The following COL9A2 variants were observed in gnomAD, a reference collection of about 807,000 sequenced individuals.
COL9A2 encodes the protein collagen alpha-2(IX) chain.
Under a neutral mutation model 111.6 loss-of-function variants are expected in COL9A2, and 66 were observed. The ratio of observed to expected loss-of-function variants is 0.59; its 90% CI spans 0.48 to 0.73. COL9A2 has a LOEUF of 0.73. Among genes scored for constraint, COL9A2 ranks in the 30% least tolerant of loss-of-function variants. The pLI is 0.00. For missense variants in COL9A2, 881 were observed against 954.1 expected, an observed-to-expected ratio of 0.92 and a Z score of 1.01; for synonymous variants, 353 against 364.1, an observed-to-expected ratio of 0.97 and a Z score of 0.35.
chr1:40,310,073 C>A lies in COL9A2; in HGVS notation c.792+38G>T, dbSNP rs1184178214. On this transcript the variant is annotated intron_variant, in intron 15 of 31. Transcript: ENST00000372748. This position sits in a 1 kb window ranked among gnomAD's most constrained non-coding sequence, Gnocchi z 4.9. ...CACTCTGTGGCTGTAGCTGTAGGAG[C>A]TCCAGCCTCAGGGGTAGGGGAGCAA... is the stretch of plus-strand genomic sequence containing the variant. 3.1e-6 allele frequency: 5 copies of A among 1,613,928 alleles called. No individual in the cohort carries two copies. The highest frequency in any genetic ancestry group is 4.2e-6 in the Non-Finnish European group (5 of 1,179,814).
Position 40,312,443 on chromosome 1 carries a change from C to T in COL9A2, c.363+13G>A, listed in dbSNP as rs750948814. On this transcript the variant is annotated intron_variant, in intron 7 of 31. Transcript: ENST00000372748. This position sits in a 1 kb window ranked among gnomAD's most constrained non-coding sequence, Gnocchi z 6.0. ...GGAGTTCTGGGGATCCTGCCCCATC[C>T]CTGAGGACTTACAGGAGGTCCAGCA... 6.8e-6 allele frequency: 11 copies of T among 1,613,240 alleles called. No homozygotes were observed. In the Admixed American group the frequency reaches 1.7e-4, roughly 24 times the overall value.
In COL9A2 at chr1:40,314,257, C is replaced by T; in HGVS notation, c.197G>A (p.Gly66Asp). Residue 66 changes from glycine to aspartate, a missense_variant, in exon 4 of 32, where the codon GGC (glycine) becomes GAC (aspartate). Gly to Asp is a moderately conservative substitution (Grantham distance 94, BLOSUM62 -1). Transcript: ENST00000372748. This position sits in a 1 kb window ranked among gnomAD's most constrained non-coding sequence, Gnocchi z 4.1. ...ATCTGGCCCAGCTTTGCCAGGCTCG[C>T]CCTTGGGTCCCTTGAAAACAGAGAT... ...PGKAGPPGPK[G>D]EPGKAGPDGP... The T allele has an allele frequency of 6.2e-7, 1 of 1,614,232 alleles. No individual in the cohort carries two copies. Among genetic ancestry groups the T allele is most frequent in the Non-Finnish European group, 8.5e-7 (1 of 1,180,048 alleles).
intron 4 of COL9A2, among the ~76,000 whole-genome samples, chr1:40,313,565 C>T (rs148125228): frequency 7.9e-5 from 12 of 152,328 alleles, no homozygotes; most frequent in South Asian, 2.1e-4. Context: ...GCCTTGTAAT[C>T]GTTGCAGGGT....
chr1:40,301,395 A>C lies in COL9A2; in HGVS notation c.1871-14T>G, dbSNP rs2124032572. On this transcript the variant is annotated splice_polypyrimidine_tract_variant and intron_variant, in intron 31 of 31. Transcript: ENST00000372748. Reference sequence around the variant, plus strand: ...GGCCAGGGAGTCCTGTGAACAGGAGAAAGTCAAGACATTAGGGGCACCTCT... The same window carrying C: ...GGCCAGGGAGTCCTGTGAACAGGAGCAAGTCAAGACATTAGGGGCACCTCT... The C allele has an allele frequency of 2.5e-6, 4 of 1,602,698 alleles. No homozygotes were observed. Among genetic ancestry groups the C allele is most frequent in the Non-Finnish European group, 3.4e-6 (4 of 1,174,514 alleles).
In COL9A2 at chr1:40,316,283, C is replaced by G. The variant is rs540638378; in HGVS notation, c.76-619G>C. ...GCGCCCCTTCGGCAGCACAGCTGCCCGGTCCTCCCTCTGCTAAGCCCTGAC... is the reference window on the plus strand; with the variant it reads ...GCGCCCCTTCGGCAGCACAGCTGCCGGGTCCTCCCTCTGCTAAGCCCTGAC... On this transcript the variant is annotated intron_variant, in intron 1 of 31. Coordinates refer to ENST00000372748, the MANE Select transcript of COL9A2 (RefSeq NM_001852.4). The surrounding 1 kb of genome is among the most constrained non-coding windows in gnomAD (Gnocchi z 5.5). Among the ~76,000 whole-genome samples, 1 of 152,180 alleles carries G rather than the reference C, an allele frequency of 6.6e-6. No individual in the cohort carries two copies. The highest frequency in any genetic ancestry group is 1.5e-5 in the Non-Finnish European group (1 of 68,022).
chr1:40,302,024 G>C lies in COL9A2; in HGVS notation c.1793-135C>G. ...ATAGAGGAAAGTTGGAAATGGTCACGCAGGGCTTGTTAAATAAAGGAAGGT... is the reference window on the plus strand; with the variant it reads ...ATAGAGGAAAGTTGGAAATGGTCACCCAGGGCTTGTTAAATAAAGGAAGGT... On this transcript the variant is annotated intron_variant, in intron 30 of 31. Coordinates refer to ENST00000372748, the MANE Select transcript of COL9A2 (RefSeq NM_001852.4). The surrounding 1 kb of genome is among the most constrained non-coding windows in gnomAD (Gnocchi z 4.5). 1 of 847,098 alleles carries C rather than the reference G, an allele frequency of 1.2e-6. No homozygotes were observed. Among genetic ancestry groups the C allele is most frequent in the Non-Finnish European group, 1.9e-6 (1 of 522,220 alleles). 52.5% of individuals were successfully genotyped at this position (847,098 alleles called of 1,614,324 possible).
Position 40,312,595 on chromosome 1 carries a change from A to T in COL9A2, c.318T>A (p.Leu106=). The stretch of plus-strand genomic sequence containing the variant: ...TCACCGGAAGGCCAGGAGGACCAGG[A>T]AGCCCGGGCTGGCCCTGCAGAAGCA... ...GIPGVKGQPG[L]PGPPGLPGPG... Residue 106 remains leucine (L), a synonymous_variant, in exon 6 of 32, where the codon CTT becomes CTA. Coordinates refer to ENST00000372748, the MANE Select transcript of COL9A2 (RefSeq NM_001852.4). The surrounding 1 kb of genome is among the most constrained non-coding windows in gnomAD (Gnocchi z 6.0). The T allele has an allele frequency of 1.2e-6, 2 of 1,613,966 alleles. No homozygotes were observed. The highest frequency in any genetic ancestry group is 8.5e-7 in the Non-Finnish European group (1 of 1,179,968).
chr1:40,315,243 G>A (rs1644198835), intron 2 of COL9A2: 4 of 1,097,416 alleles, frequency 3.6e-6, no homozygotes, highest in Non-Finnish European at 4.5e-6. Context: ...CGAACCTGAA[G>A]AAGCGTCCAG....
At position 40,314,305 on chromosome 1, in the gene COL9A2, G is replaced by C. The variant is rs763323573; in HGVS notation, c.187-38C>G. ...GATGGAACAAACATGAGCCAGAGGAGGGCAAGAGCAGGAAGGGTCAAAGGC... is the reference window on the plus strand; with the variant it reads ...GATGGAACAAACATGAGCCAGAGGACGGCAAGAGCAGGAAGGGTCAAAGGC... On this transcript the variant is annotated intron_variant, in intron 3 of 31. Coordinates refer to ENST00000372748, the MANE Select transcript of COL9A2 (RefSeq NM_001852.4). The surrounding 1 kb of genome is among the most constrained non-coding windows in gnomAD (Gnocchi z 4.1). 3 of 1,614,242 alleles carry C rather than the reference G, an allele frequency of 1.9e-6. No individual in the cohort carries two copies. The South Asian group carries it at 3.3e-5, about 18-fold the overall frequency.
Position 40,310,629 on chromosome 1 carries a change from G to T in COL9A2, c.684+85C>A. 1 of 1,218,684 alleles carries T rather than the reference G, an allele frequency of 8.2e-7. No individual in the cohort carries two copies. The highest frequency in any genetic ancestry group is 1.2e-6 in the Non-Finnish European group (1 of 843,532). The allele number at this position is 1,218,684 out of a possible 1,614,324, so 75.5% of individuals were successfully genotyped here. On this transcript the variant is annotated intron_variant, in intron 13 of 31. Transcript: ENST00000372748. This position sits in a 1 kb window ranked among gnomAD's most constrained non-coding sequence, Gnocchi z 4.9. ...CTAGACACAGGTGTCTCTTTTACAA[G>T]CTAGAGGCCTGAGCAGGGGAATGAC... is the stretch of plus-strand genomic sequence containing the variant.
chr1:40,315,713 T>C, intron 1 of COL9A2, 49 bp from the exon 2 acceptor site: 2 of 1,411,678 alleles, frequency 1.4e-6, no homozygotes, highest in Non-Finnish European at 1.9e-6. Flanking sequence ...TGCAGGAAGC[T>C]GGGCGTCCCC....
rs780301075 is a variant in COL9A2, at chr1:40,303,822, C to T, written c.1386G>A (p.Pro462=). Residue 462 remains proline, a synonymous_variant, in exon 27 of 32, where the codon CCG becomes CCA. Coordinates refer to ENST00000372748, the MANE Select transcript of COL9A2 (RefSeq NM_001852.4). This position sits in a 1 kb window ranked among gnomAD's most constrained non-coding sequence, Gnocchi z 4.6. ...GAGGACTCACCTGTCCCTTGGGCCC[C>T]GGCTCGCCGGACTCGCCCTGCAGGC... The part of the protein sequence containing the change: ...EKGEKGESGE[P]GPKGQQGVRG... 1.3e-5 allele frequency: 20 copies of T among 1,561,388 alleles called. No homozygotes were observed. The highest frequency in any genetic ancestry group is 1.7e-5 in the Non-Finnish European group (20 of 1,154,222).
At position 40,302,651 on chromosome 1, in the gene COL9A2, C is replaced by T. The variant is rs376490699; in HGVS notation, c.1762G>A (p.Val588Met). ...GGCCCCGTGTTGCCGATCTGACCCA[C>T]GGCTCCCACGATGCCAGGAACGCCC... ...PRGVPGIVGA[V>M]GQIGNTGPKG... The change falls in exon 30 of 32, where the codon GTG (valine) becomes ATG (methionine). Residue 588 changes from valine (V) to methionine (M), a missense_variant. By Grantham distance (21) the Val-to-Met change is conservative (BLOSUM62 1). Transcript: ENST00000372748. This position sits in a 1 kb window ranked among gnomAD's most constrained non-coding sequence, Gnocchi z 4.5. The T allele has an allele frequency of 1.4e-5, 22 of 1,604,096 alleles. No individual in the cohort carries two copies. The highest frequency in any genetic ancestry group is 4.5e-5 in the East Asian group (2 of 44,318).
rs957581618 is a variant in COL9A2 at position 40,304,117 on chromosome 1, T to G, written c.1288-18A>C. ...GGGGAGCCCTGGAGAAAGCGGGCAG[T>G]GAGGGGTTTGGCGAGCTCCCCCCTC... is the stretch of plus-strand genomic sequence containing the variant. On this transcript the variant is annotated intron_variant, in intron 24 of 31. Transcript: ENST00000372748. The G allele has an allele frequency of 1.3e-6, 2 of 1,546,062 alleles. No individual in the cohort carries two copies. The highest frequency in any genetic ancestry group is 2.7e-5 in the African/African-American group (2 of 73,544).
At chr1:40,315,814 T>C (rs1644210225) in intron 1 of COL9A2, 150 bp from the exon 2 acceptor site, 5 of 575,862 alleles carry the variant, frequency 8.7e-6, no homozygotes, top group Non-Finnish European at 1.6e-5. Flanking sequence ...TAGCAGGCAC[T>C]GTGTGCCATT....
In COL9A2 at chr1:40,317,103, G is replaced by A. The variant is rs956291031; in HGVS notation, c.75+20C>T. ...ACCCCGCACCCTGGACCCTGGCAGC[G>A]GAGGGGCTGCGAAACTTACAATCTG... On this transcript the variant is annotated intron_variant, in intron 1 of 31. Transcript: ENST00000372748. The surrounding 1 kb of genome is among the most constrained non-coding windows in gnomAD (Gnocchi z 4.3). 2.6e-6 allele frequency: 4 copies of A among 1,557,448 alleles called. No individual in the cohort carries two copies. The highest frequency in any genetic ancestry group is 3.5e-6 in the Non-Finnish European group (4 of 1,150,466).
In COL9A2 at chr1:40,302,613, G is replaced by A. The variant is rs1643930847; in HGVS notation, c.1792+8C>T. The A allele has an allele frequency of 1.3e-6, 2 of 1,596,010 alleles. No homozygotes were observed. ...TGGCCCCCATGCCCACCGCAGAGGAGCACTCACCCTTGGGCCCCGTGTTGC... is the reference window on the plus strand; with the variant it reads ...TGGCCCCCATGCCCACCGCAGAGGAACACTCACCCTTGGGCCCCGTGTTGC... On this transcript the variant is annotated splice_region_variant and intron_variant, in intron 30 of 31. Coordinates refer to ENST00000372748, the MANE Select transcript of COL9A2 (RefSeq NM_001852.4). The surrounding 1 kb of genome is among the most constrained non-coding windows in gnomAD (Gnocchi z 4.5).
rs753088253 is a variant in COL9A2, at chr1:40,311,137, C to T, written c.586G>A (p.Gly196Ser). The change falls in exon 12 of 32, where the codon GGC becomes AGC. Residue 196 changes from glycine to serine, a missense_variant. Transcript: ENST00000372748. This position sits in a 1 kb window ranked among gnomAD's most constrained non-coding sequence, Gnocchi z 5.1. ...PGLQGVKGHA[G>S]KRGILGDPGH... Reference sequence around the variant, plus strand: ...GGATCACCCAGAATCCCGCGTTTGCCCGCATGCCCCTGAAGGGAAGGAGAG... The same window carrying T: ...GGATCACCCAGAATCCCGCGTTTGCTCGCATGCCCCTGAAGGGAAGGAGAG... The T allele has an allele frequency of 2.5e-6, 4 of 1,614,102 alleles. No individual in the cohort carries two copies. Among genetic ancestry groups the T allele is most frequent in the Non-Finnish European group, 3.4e-6 (4 of 1,180,044 alleles).
In COL9A2 at chr1:40,302,469, A is replaced by C; in HGVS notation, c.1792+152T>G. The C allele has an allele frequency of 1.2e-6, 1 of 827,416 alleles. No individual in the cohort carries two copies. The highest frequency in any genetic ancestry group is 1.9e-6 in the Non-Finnish European group (1 of 524,906). 51.3% of individuals were successfully genotyped at this position (827,416 alleles called of 1,614,324 possible). A position where few individuals can be genotyped will look rare whatever the true frequency, so the allele number is the denominator to read the frequency against. On this transcript the variant is annotated intron_variant, in intron 30 of 31. Coordinates refer to ENST00000372748, the MANE Select transcript of COL9A2 (RefSeq NM_001852.4). The surrounding 1 kb of genome is among the most constrained non-coding windows in gnomAD (Gnocchi z 4.5). ...GTACATTCATTGCCATCCGTTTGCT[A>C]CTAGGAAAGAGCCCAGGAGTGTCTC... is the stretch of plus-strand genomic sequence containing the variant.
Sources: allele counts gnomAD v4.1 joint callset (sites outside exome capture counted in the v4.1 genomes callset), GRCh38; gene constraint gnomAD v4.1.1; non-coding constraint Gnocchi (gnomAD v3.1); transcripts MANE v1.5; gene names NCBI Gene and HGNC (gene_info 2026-07-23, HGNC 2026-07-21).